FAM135A: variants seen among roughly 807,000 people sequenced by gnomAD.
FAM135A encodes protein FAM135A.
Under a neutral mutation model 146.8 loss-of-function variants are expected in FAM135A, and 79 were observed. That is an observed-to-expected ratio of 0.54 (90% CI 0.45 to 0.65). The LOEUF (loss-of-function observed/expected upper bound fraction) is 0.65. FAM135A is among the 30% of genes least tolerant of loss of function. FAM135A has a pLI of 0.00. For missense variants in FAM135A, 1,623 were observed against 1,758.2 expected (o/e 0.92, Z 1.38); for synonymous variants, 562 against 603.6 (o/e 0.93, Z 1.01).
At chr6:70,482,547 G>T (rs1304130556) in intron 10 of FAM135A, among the ~76,000 whole-genome samples, 1 of 151,978 alleles carries the variant, frequency 6.6e-6, no homozygotes, top group Non-Finnish European at 1.5e-5. Context: ...GGGCATTTTT[G>T]TTTACATTTG....
chr6:70,469,412 T>C (rs1038226137), intron 5 of FAM135A, among the ~76,000 whole-genome samples: 25 of 152,342 alleles, frequency 1.6e-4, no homozygotes, highest in African/African-American at 5.3e-4. Flanking sequence ...TAGGCAACTT[T>C]CACTGAAATC....
intron 4 of FAM135A, among the ~76,000 whole-genome samples, chr6:70,450,715 TG>T (rs1381245808): frequency 3.1e-4 from 37 of 119,268 alleles, no homozygotes; most frequent in Non-Finnish European, 5.4e-4. Flanking sequence ...CCCTTTTAGT[TG>T]TTTTTTTTTT....
Position 70,428,840 on chromosome 6 carries a change from A to G in FAM135A, c.77+421A>G, listed in dbSNP as rs577263317. 1.4e-4 allele frequency among the ~76,000 whole-genome samples: 22 copies of G among 152,194 alleles called. No individual in the cohort carries two copies. The South Asian group carries it at 4.6e-3, about 32-fold the overall frequency. Reference sequence around the variant, plus strand: ...TTTATAATATCATTTTTAATTATTAACTATTACACTGTGACATGTTATAAT... The same window carrying G: ...TTTATAATATCATTTTTAATTATTAGCTATTACACTGTGACATGTTATAAT... On this transcript the variant is annotated intron_variant, in intron 4 of 21. Coordinates refer to ENST00000418814, the MANE Select transcript of FAM135A (RefSeq NM_001162529.3).
At chr6:70,434,957 T>C (rs1290456069) in intron 4 of FAM135A, among the ~76,000 whole-genome samples, 1 of 151,772 alleles carries the variant, frequency 6.6e-6, no homozygotes, top group Non-Finnish European at 1.5e-5. Flanking sequence ...TTCTTAATCA[T>C]ATACTGCCAC....
intron 20 of FAM135A, among the ~76,000 whole-genome samples, chr6:70,542,278 C>CACACA (rs1424633787): frequency 1.7e-4 from 18 of 106,826 alleles, no homozygotes; most frequent in African/African-American, 6.6e-4. Flanking sequence ...ACACACACAC[C>CACACA]CTTTGCTGTG....
intron 10 of FAM135A, among the ~76,000 whole-genome samples, chr6:70,486,658 G>T (rs913896753): frequency 2.0e-5 from 3 of 152,178 alleles, no homozygotes; most frequent in Non-Finnish European, 4.4e-5. Flanking sequence ...GCCGGGTGCG[G>T]TGACTCACGC....
intron 20 of FAM135A, among the ~76,000 whole-genome samples, chr6:70,546,714 G>A (rs1798930146): frequency 6.6e-6 from 1 of 152,110 alleles, no homozygotes; most frequent in African/African-American, 2.4e-5. Flanking sequence ...CTTTTAAAGG[G>A]AAATTATCTA....
intron 12 of FAM135A, among the ~76,000 whole-genome samples, chr6:70,508,574 T>C (rs1048951755): frequency 6.6e-6 from 1 of 152,222 alleles, no homozygotes; most frequent in African/African-American, 2.4e-5. Flanking sequence ...CCAGATTTTG[T>C]GCTTTGTGCT....
At chr6:70,508,084 C>T (rs192951878) in intron 12 of FAM135A, among the ~76,000 whole-genome samples, 58 of 152,142 alleles carry the variant, frequency 3.8e-4, no homozygotes, top group Admixed American at 1.6e-3. Flanking sequence ...ATAAAAAAGG[C>T]GAGGTTCATA....
At chr6:70,465,751 G>A (rs1412239973) in intron 5 of FAM135A, among the ~76,000 whole-genome samples, 2 of 152,230 alleles carry the variant, frequency 1.3e-5, no homozygotes, top group Non-Finnish European at 2.9e-5. Flanking sequence ...ACTGTTTCAC[G>A]TTTTCACCAA....
In FAM135A at chr6:70,526,323, A is replaced by T; in HGVS notation, c.3239A>T (p.Glu1080Val). The T allele has an allele frequency of 6.2e-7, 1 of 1,613,386 alleles. No homozygotes were observed. The highest frequency in any genetic ancestry group is 8.5e-7 in the Non-Finnish European group (1 of 1,179,620). The change falls in exon 15 of 22, where the codon GAA becomes GTA. Residue 1080 changes from glutamate (E) to valine (V), a missense_variant. This residue lies in a region of FAM135A where 1,061 missense variants were observed against 1,113.8 expected (regional missense o/e 0.95). Coordinates refer to ENST00000418814, the MANE Select transcript of FAM135A (RefSeq NM_001162529.3). ...AAAGAAATTAGTAATCTTCAGCAGG[A>T]ACAGGATAAAGAGGATGAGGAGGAA... is the stretch of plus-strand genomic sequence containing the variant. ...SEKEISNLQQEQDKEDEEEEQ... is the reference protein window; with the variant it reads ...SEKEISNLQQVQDKEDEEEEQ...
At chr6:70,476,058 T>G (rs150356859) in intron 7 of FAM135A, among the ~76,000 whole-genome samples, 5 of 152,324 alleles carry the variant, frequency 3.3e-5, no homozygotes, top group African/African-American at 1.2e-4. Context: ...CACTGGCTAA[T>G]CTTTCTTGAT....
intron 20 of FAM135A, among the ~76,000 whole-genome samples, chr6:70,539,922 G>C (rs1010894060): frequency 7.2e-5 from 11 of 152,202 alleles, no homozygotes; most frequent in African/African-American, 2.7e-4. Flanking sequence ...CGTGAACCTG[G>C]GAGGCGGAGC....
intron 11 of FAM135A, among the ~76,000 whole-genome samples, chr6:70,493,725 G>A (rs1385777919): frequency 3.3e-5 from 5 of 152,104 alleles, no homozygotes; most frequent in Admixed American, 2.6e-4. Flanking sequence ...AACAAATTAT[G>A]GGATACTTGT....
chr6:70,445,141 G>T, intron 4 of FAM135A, among the ~76,000 whole-genome samples: 1 of 144,642 alleles, frequency 6.9e-6, no homozygotes, highest in East Asian at 1.9e-4. Flanking sequence ...ACATAAACAG[G>T]GGTGGTAAAA....
At chr6:70,538,476 ATCAACATGTCTTT>A in intron 20 of FAM135A, 75 bp downstream of exon 20, 1 of 797,722 alleles carries the variant, frequency 1.3e-6, no homozygotes, top group East Asian at 3.2e-5. Flanking sequence ...CAAATAAATT[ATCAACATGTCTTT>A]CTAGTGGTTA....
chr6:70,526,615 T>A lies in FAM135A; in HGVS notation c.3531T>A (p.Ile1177=). 1 of 1,613,436 alleles carries A rather than the reference T, an allele frequency of 6.2e-7. No homozygotes were observed. The highest frequency in any genetic ancestry group is 2.2e-5 in the East Asian group (1 of 44,848). The stretch of plus-strand genomic sequence containing the variant: ...CTTCCAAAAGTAAATTTGATGCCAT[T>A]ACAAAGCAGCCAAGCAGTACTTCTT... ...KYSSKSKFDA[I]TKQPSSTSYN... is the part of the protein sequence containing the mutation. Residue 1177 remains isoleucine, a synonymous_variant, in exon 15 of 22, where the codon ATT becomes ATA. Coordinates refer to ENST00000418814, the MANE Select transcript of FAM135A (RefSeq NM_001162529.3).
chr6:70,458,480 T>A (rs904031321), intron 5 of FAM135A, among the ~76,000 whole-genome samples: 23 of 152,124 alleles, frequency 1.5e-4, no homozygotes, highest in African/African-American at 5.6e-4. Context: ...CTGAACAAAT[T>A]GTGAGACATG....
At chr6:70,502,063 G>C (rs1788679580) in intron 11 of FAM135A, among the ~76,000 whole-genome samples, 1 of 152,140 alleles carries the variant, frequency 6.6e-6, no homozygotes, top group Non-Finnish European at 1.5e-5. Flanking sequence ...TAGCAAGTGA[G>C]TGAATTGTTA....
Sources: allele counts gnomAD v4.1 joint callset (sites outside exome capture counted in the v4.1 genomes callset), GRCh38; gene constraint gnomAD v4.1.1; regional missense constraint gnomAD v4.1.1; transcripts MANE v1.5; gene names NCBI Gene and HGNC (gene_info 2026-07-23, HGNC 2026-07-21).